The following RASGRF2 variants were observed in gnomAD, a reference collection of about 807,000 sequenced individuals.
RASGRF2 encodes ras-specific guanine nucleotide-releasing factor 2.
In RASGRF2, 76 loss-of-function variants were observed where a neutral mutation model predicts 151.0. The ratio of observed to expected loss-of-function variants is 0.50; its 90% CI spans 0.42 to 0.61. The LOEUF (loss-of-function observed/expected upper bound fraction) is 0.61. RASGRF2 is among the 20% of genes least tolerant of loss of function. RASGRF2 has a pLI of 0.00. For synonymous variants in RASGRF2, 504 were observed against 566.5 expected (o/e 0.89, Z 1.57); for missense variants, 1,148 against 1,564.6 (o/e 0.73, Z 4.49).
chr5:81,184,339 CGT>C (rs999084631), intron 18 of RASGRF2, among the ~76,000 whole-genome samples: 1 of 152,216 alleles, frequency 6.6e-6, no homozygotes, highest in African/African-American at 2.4e-5. Context: ...CACATGTTCC[CGT>C]GATTGCTTTT....
intron 24 of RASGRF2, among the ~76,000 whole-genome samples, chr5:81,216,702 T>G (rs1755747519): frequency 6.6e-6 from 1 of 152,206 alleles, no homozygotes; most frequent in African/African-American, 2.4e-5. Flanking sequence ...GTTCAGAGAA[T>G]GTTCCCAGTA....
At chr5:81,165,463 C>G (rs1489150811) in intron 17 of RASGRF2, among the ~76,000 whole-genome samples, 1 of 152,210 alleles carries the variant, frequency 6.6e-6, no homozygotes, top group Non-Finnish European at 1.5e-5. Context: ...GCCTCCAGTA[C>G]TGGACCCCAA....
At chr5:81,103,935 G>A (rs1013134131) in intron 12 of RASGRF2, among the ~76,000 whole-genome samples, 5 of 152,060 alleles carry the variant, frequency 3.3e-5, no homozygotes, top group African/African-American at 9.7e-5. Flanking sequence ...AATCTTAAAA[G>A]CAGTGTTGTG....
At chr5:80,988,779 G>A (rs1748555661) in intron 1 of RASGRF2, among the ~76,000 whole-genome samples, 1 of 152,116 alleles carries the variant, frequency 6.6e-6, no homozygotes, top group African/African-American at 2.4e-5. Context: ...GCTTAATAAC[G>A]TCTGGCACAT....
At chr5:81,138,765 T>C (rs1753815047) in intron 17 of RASGRF2, among the ~76,000 whole-genome samples, 1 of 75,210 alleles carries the variant, frequency 1.3e-5, no homozygotes, top group Admixed American at 1.4e-4. Context: ...TGGATGTGCT[T>C]GTTTTTTTTT....
At chr5:81,124,972 C>T (rs761877340) in intron 16 of RASGRF2, among the ~76,000 whole-genome samples, 8 of 152,062 alleles carry the variant, frequency 5.3e-5, no homozygotes, top group Non-Finnish European at 1.2e-4. Context: ...AGTGCAACCT[C>T]CACCTCCCAG....
chr5:81,038,567 CTTTTTT>C (rs56205345), intron 1 of RASGRF2, among the ~76,000 whole-genome samples: 10 of 83,908 alleles, frequency 1.2e-4, no homozygotes, highest in East Asian at 6.7e-4. Flanking sequence ...TAAATATTTG[CTTTTTT>C]TTTTTTTTTT....
intron 17 of RASGRF2, among the ~76,000 whole-genome samples, chr5:81,162,403 A>C (rs550163390): frequency 2.0e-5 from 3 of 152,210 alleles, no homozygotes; most frequent in African/African-American, 7.2e-5. Context: ...GCTAGAGTGC[A>C]ATGGTACGAT....
rs754778884 is a variant in RASGRF2 at position 81,201,460 on chromosome 5, T to A, written c.2906+18T>A. On this transcript the variant is annotated intron_variant, in intron 19 of 26. Coordinates refer to ENST00000265080, the MANE Select transcript of RASGRF2 (RefSeq NM_006909.3). The stretch of plus-strand genomic sequence containing the variant: ...ATCCTCAGGTGAAGGCAGCTGAAGA[T>A]GCCGACTGGATGACATTGGTTGATT... 21 of 1,606,272 alleles carry A rather than the reference T, an allele frequency of 1.3e-5. No homozygotes were observed. The East Asian group carries it at 4.7e-4, about 36-fold the overall frequency.
intron 1 of RASGRF2, among the ~76,000 whole-genome samples, chr5:81,028,750 G>T (rs1349989325): frequency 1.3e-5 from 2 of 152,238 alleles, no homozygotes; most frequent in African/African-American, 2.4e-5. Flanking sequence ...GCAGAAGACA[G>T]GTGATTTCTG....
chr5:81,005,121 G>A (rs556712611), intron 1 of RASGRF2, among the ~76,000 whole-genome samples: 2 of 152,144 alleles, frequency 1.3e-5, no homozygotes, highest in Non-Finnish European at 2.9e-5. Context: ...ACATTATACC[G>A]TCCTTTGTGT....
In RASGRF2 at chr5:80,961,031, C is replaced by G; in HGVS notation, c.288+5C>G. 1 of 1,454,702 alleles carries G rather than the reference C, an allele frequency of 6.9e-7. No homozygotes were observed. Among genetic ancestry groups the G allele is most frequent in the Non-Finnish European group, 9.1e-7 (1 of 1,098,072 alleles). 90.1% of individuals were successfully genotyped at this position (1,454,702 alleles called of 1,614,324 possible). On this transcript the variant is annotated splice_donor_5th_base_variant and intron_variant, in intron 1 of 26. Transcript: ENST00000265080. ...CGAGACGCGCTGGACAAGCAGGTACCGCGCGCCTTCTCTCCGCGGTCTCCC... is the reference window on the plus strand; with the variant it reads ...CGAGACGCGCTGGACAAGCAGGTACGGCGCGCCTTCTCTCCGCGGTCTCCC...
intron 14 of RASGRF2, chr5:81,113,268 A>T: frequency 1.9e-6 from 1 of 531,140 alleles, no homozygotes; most frequent in Non-Finnish European, 3.3e-6. Context: ...GTGGAGCCTG[A>T]GTTCTGAACG....
intron 17 of RASGRF2, among the ~76,000 whole-genome samples, chr5:81,154,480 T>C (rs1378713618): frequency 3.9e-5 from 6 of 152,200 alleles, no homozygotes; most frequent in Non-Finnish European, 8.8e-5. Context: ...TCCTCCCGCT[T>C]TGGCCTTCCA....
chr5:81,086,566 A>T (rs1752233894), intron 8 of RASGRF2, among the ~76,000 whole-genome samples: 1 of 152,178 alleles, frequency 6.6e-6, no homozygotes, highest in African/African-American at 2.4e-5. Context: ...ACAAAATGAC[A>T]TGTTGCTTTC....
chr5:81,182,633 G>A (rs867866212), intron 18 of RASGRF2, among the ~76,000 whole-genome samples: 3 of 152,260 alleles, frequency 2.0e-5, no homozygotes, highest in South Asian at 2.1e-4. Context: ...GTGATGGATT[G>A]GTAAATGGTT....
chr5:80,992,900 C>G (rs1748699952), intron 1 of RASGRF2, among the ~76,000 whole-genome samples: 1 of 152,130 alleles, frequency 6.6e-6, no homozygotes, highest in African/African-American at 2.4e-5. Flanking sequence ...ACAAATTTGG[C>G]CAAGAGCTTC....
intron 1 of RASGRF2, among the ~76,000 whole-genome samples, chr5:81,029,641 A>T (rs1477502699): frequency 2.0e-5 from 3 of 152,226 alleles, no homozygotes; most frequent in Non-Finnish European, 4.4e-5. Context: ...CCAAAACCCC[A>T]TCTGCACGTC....
intron 16 of RASGRF2, among the ~76,000 whole-genome samples, chr5:81,124,992 A>T (rs1753413319): frequency 6.6e-6 from 1 of 151,990 alleles, no homozygotes. Flanking sequence ...GGTTCAAGTG[A>T]TTCTCCTGCC....
Sources: gnomAD v4.1 joint callset for allele counts (sites outside exome capture counted in the v4.1 genomes callset) on GRCh38, gnomAD v4.1.1 for gene constraint, MANE v1.5 for transcripts, NCBI Gene and HGNC (gene_info 2026-07-23, HGNC 2026-07-21) for gene names.